YEATS4: variants seen among roughly 807,000 people sequenced by gnomAD.
YEATS4 encodes YEATS domain-containing protein 4.
YEATS4 carries 17 observed loss-of-function variants against 30.1 expected under a neutral mutation model. The observed-to-expected ratio is 0.56, with a 90% confidence interval of 0.39 to 0.85. The LOEUF (loss-of-function observed/expected upper bound fraction) is 0.85. Ranked by LOEUF, YEATS4 falls within the 40% of genes least tolerant of loss-of-function variation. The pLI is 0.00. For synonymous variants in YEATS4, 85 were observed against 87.5 expected (o/e 0.97, Z 0.16); for missense variants, 142 against 268.3 (o/e 0.53, Z 3.29).
At chr12:69,426,041 T>C in the YEATS4 span, among the ~76,000 whole-genome samples, 100,639 of 151,968 alleles carry the variant, frequency 0.66, 33,500 homozygotes, top group East Asian at 0.81. Flanking sequence ...TCAAAATCAG[T>C]CTGATCAACT....
At chr12:69,362,962 T>C (rs1366071445) in intron 2 of YEATS4, 55 bp downstream of exon 2, 13 of 1,431,740 alleles carry the variant, frequency 9.1e-6, no homozygotes, top group Non-Finnish European at 1.2e-5. Flanking sequence ...GTAATTTGTT[T>C]TGCTTAAAGA....
intron 1 of YEATS4, among the ~76,000 whole-genome samples, chr12:69,361,986 GT>G (rs1328339299): frequency 2.7e-4 from 34 of 125,874 alleles, no homozygotes; most frequent in African/African-American, 9.9e-4. Flanking sequence ...AAGCGTTAAT[GT>G]TTTTTAAATT....
At chr12:69,372,537 G>GTTTTTTTTTTTTTTTT (rs71094710) in intron 6 of YEATS4, among the ~76,000 whole-genome samples, 2 of 123,040 alleles carry the variant, frequency 1.6e-5, no homozygotes, top group East Asian at 2.6e-4. Flanking sequence ...TATCTCATGA[G>GTTTTTTTTTTTTTTTT]TTTTTTTTTT....
chr12:69,366,066 T>TC (rs961354263), intron 4 of YEATS4, among the ~76,000 whole-genome samples, 182 bp downstream of exon 4: 3 of 152,060 alleles, frequency 2.0e-5, no homozygotes, highest in Non-Finnish European at 2.9e-5. Flanking sequence ...CTTTTTTTTT[T>TC]CAAGTATGGA....
chr12:69,380,542 A>G (rs954295184), intron 6 of YEATS4, among the ~76,000 whole-genome samples: 1 of 152,200 alleles, frequency 6.6e-6, no homozygotes, highest in Non-Finnish European at 1.5e-5. Flanking sequence ...GGACTGCCTT[A>G]GGTCAGACTT....
chr12:69,381,150 G>A (rs537691723), intron 6 of YEATS4, among the ~76,000 whole-genome samples: 15 of 152,280 alleles, frequency 9.9e-5, no homozygotes, highest in South Asian at 2.1e-4. Flanking sequence ...AGTGCTACGG[G>A]AGACTGGGGC....
chr12:69,408,736 G>A, the YEATS4 span, among the ~76,000 whole-genome samples: 4 of 152,344 alleles, frequency 2.6e-5, no homozygotes, highest in South Asian at 2.1e-4. Flanking sequence ...TCCAGCCTGA[G>A]TAGATTCCTT....
At chr12:69,369,417 T>C (rs1223052404) in intron 4 of YEATS4, among the ~76,000 whole-genome samples, 4 of 152,216 alleles carry the variant, frequency 2.6e-5, no homozygotes, top group African/African-American at 9.6e-5. Context: ...TAGTTCATTG[T>C]TGGGGAGAAA....
chr12:69,422,138 A>G, the YEATS4 span, among the ~76,000 whole-genome samples: 2 of 152,190 alleles, frequency 1.3e-5, no homozygotes, highest in Admixed American at 1.3e-4. Flanking sequence ...GGGGTGGAGG[A>G]TGTGAGATCC....
chr12:69,368,006 T>A (rs1177345455), intron 4 of YEATS4, among the ~76,000 whole-genome samples: 1 of 152,206 alleles, frequency 6.6e-6, no homozygotes. Context: ...GCTCTTGAAG[T>A]CACTCTTAGA....
chr12:69,380,821 C>T lies in YEATS4; in HGVS notation c.515-9326C>T, dbSNP rs574041489. Among the ~76,000 whole-genome samples, 5 of 152,236 alleles carry T rather than the reference C, an allele frequency of 3.3e-5. No individual in the cohort carries two copies. In the East Asian group the frequency reaches 7.7e-4, roughly 24 times the overall value. On this transcript the variant is annotated intron_variant, in intron 6 of 6. Transcript: ENST00000247843. Reference sequence around the variant, plus strand: ...TTTAAAGCTGGGTGTCCAGGGGAGACATCACATGTCGGCAGGTTCCATGAT... The same window carrying T: ...TTTAAAGCTGGGTGTCCAGGGGAGATATCACATGTCGGCAGGTTCCATGAT...
chr12:69,401,168 C>T, the YEATS4 span: 1 of 151,396 alleles, frequency 6.6e-6, no homozygotes, highest in Non-Finnish European at 1.5e-5. Context: ...ACACTGCACT[C>T]CAGCCTGGGC....
At position 69,390,440 on chromosome 12, in the gene YEATS4, T is replaced by C. The variant is rs1289014412; in HGVS notation, c.*124T>C. ...GAACTTCATATACAGCTGTTGACCA[T>C]GAATTTCTTAGCAATAGGAATTTGT... On this transcript the variant is annotated 3_prime_UTR_variant, in exon 7 of 7. Coordinates refer to ENST00000247843, the MANE Select transcript of YEATS4 (RefSeq NM_006530.4). 4.7e-6 allele frequency: 4 copies of C among 849,500 alleles called. No individual in the cohort carries two copies. The highest frequency in any genetic ancestry group is 5.4e-4 in the Middle Eastern group (2 of 3,728). The allele number at this position is 849,500 out of a possible 1,614,324, so 52.6% of individuals were successfully genotyped here. A position where few individuals can be genotyped will look rare whatever the true frequency, so the allele number is the denominator to read the frequency against.
chr12:69,362,675 C>A, intron 1 of YEATS4, 113 bp from the exon 2 acceptor site: 2 of 762,600 alleles, frequency 2.6e-6, no homozygotes, highest in South Asian at 3.2e-5. Flanking sequence ...ATATTATAAG[C>A]AAACTATAGA....
the YEATS4 span, among the ~76,000 whole-genome samples, chr12:69,421,645 A>T: frequency 6.6e-6 from 1 of 152,190 alleles, no homozygotes; most frequent in African/African-American, 2.4e-5. Context: ...GACTTTCAAG[A>T]GGGCACTTCC....
rs1198849494 is a variant in YEATS4, at chr12:69,362,981, A to AATTTTTTTTTTTTTTTTTTTTTTT, written c.171+74_171+75insATTTTTTTTTTTTTTTTTTTTTTT. 3.6e-5 allele frequency: 11 copies of AATTTTTTTTTTTTTTTTTTTTTTT among 307,590 alleles called. 5 individuals are homozygous for AATTTTTTTTTTTTTTTTTTTTTTT. The highest frequency in any genetic ancestry group is 2.3e-4 in the Admixed American group (2 of 8,626). The allele number at this position is 307,590 out of a possible 1,614,324, so 19.1% of individuals were successfully genotyped here. ...TTTGTTTTGCTTAAAGACAACCTGT[A>AATTTTTTTTTTTTTTTTTTTTTTT]GTTTTTTTTTTTTTTTTTTTTTTTT... On this transcript the variant is annotated intron_variant, in intron 2 of 6. Transcript: ENST00000247843.
At chr12:69,402,055 G>A in the YEATS4 span, among the ~76,000 whole-genome samples, 1 of 152,126 alleles carries the variant, frequency 6.6e-6, no homozygotes, top group African/African-American at 2.4e-5. Context: ...GTTTATCTTG[G>A]TAAGTGTGTG....
chr12:69,413,725 G>A, the YEATS4 span, among the ~76,000 whole-genome samples: 11 of 151,814 alleles, frequency 7.2e-5, no homozygotes, highest in East Asian at 3.9e-4. Context: ...GATGGTGCAC[G>A]CCTATGGTCC....
chr12:69,368,263 A>G (rs1270255817), intron 4 of YEATS4, among the ~76,000 whole-genome samples: 4 of 152,200 alleles, frequency 2.6e-5, no homozygotes, highest in Admixed American at 2.0e-4. Flanking sequence ...CCAGTAACCT[A>G]TTATACAGAT....
Sources: allele counts gnomAD v4.1 joint callset (sites outside exome capture counted in the v4.1 genomes callset), GRCh38; gene constraint gnomAD v4.1.1; transcripts MANE v1.5; gene names NCBI Gene and HGNC (gene_info 2026-07-23, HGNC 2026-07-21).